Variants in VWA8 observed in about 807,000 individuals in gnomAD.
The protein encoded by VWA8 is von Willebrand factor A domain-containing protein 8.
Under a neutral mutation model 241.5 loss-of-function variants are expected in VWA8, and 221 were observed. That is an observed-to-expected ratio of 0.91 (90% CI 0.82 to 1.02). The LOEUF (loss-of-function observed/expected upper bound fraction) is 1.02. VWA8 is among the 50% of genes least tolerant of loss of function. The pLI, the probability that VWA8 is intolerant of heterozygous loss-of-function variation, is 0.00. For missense variants in VWA8, 2,322 were observed against 2,328.7 expected (o/e 1.00, Z 0.06); for synonymous variants, 852 against 827.1 (o/e 1.03, Z -0.52).
intron 34 of VWA8, 80 bp downstream of exon 34, chr13:41,689,274 C>G: frequency 7.2e-7 from 1 of 1,389,324 alleles, no homozygotes; most frequent in Non-Finnish European, 9.5e-7. Flanking sequence ...TTTTAATTAC[C>G]CCTCAAACAG....
At chr13:41,707,994 A>G (rs2045293023) in intron 26 of VWA8, among the ~76,000 whole-genome samples, 1 of 152,224 alleles carries the variant, frequency 6.6e-6, no homozygotes, top group African/African-American at 2.4e-5. Flanking sequence ...TAATTTTCAC[A>G]TTAAAGACCT....
chr13:41,721,331 G>A, intron 25 of VWA8, 39 bp downstream of exon 25: 1 of 1,601,516 alleles, frequency 6.2e-7, no homozygotes, highest in Non-Finnish European at 8.5e-7. Context: ...ATAAAAAAGA[G>A]AGTGATGGCT....
intron 17 of VWA8, among the ~76,000 whole-genome samples, chr13:41,796,969 T>C (rs1388670330): frequency 6.6e-6 from 1 of 152,184 alleles, no homozygotes; most frequent in African/African-American, 2.4e-5. Context: ...CTGTTGCTTC[T>C]TGGTTGGAGA....
At chr13:41,695,382 CTTTA>C (rs1238519248) in intron 29 of VWA8, among the ~76,000 whole-genome samples, 4 of 152,036 alleles carry the variant, frequency 2.6e-5, no homozygotes, top group African/African-American at 9.7e-5. Context: ...CTGAGCAAAG[CTTTA>C]TGTTAAAAAG....
At chr13:41,786,794 T>C (rs1215642036) in intron 18 of VWA8, among the ~76,000 whole-genome samples, 1 of 152,156 alleles carries the variant, frequency 6.6e-6, no homozygotes, top group Non-Finnish European at 1.5e-5. Flanking sequence ...CATTGGCTGC[T>C]TCAATAAAAT....
intron 40 of VWA8, among the ~76,000 whole-genome samples, chr13:41,602,388 A>G (rs2044527284): frequency 6.6e-6 from 1 of 152,142 alleles, no homozygotes; most frequent in Non-Finnish European, 1.5e-5. Context: ...CTAGCCATAC[A>G]GCCCAGGACA....
At chr13:41,690,889 C>G (rs2045172459) in intron 32 of VWA8, among the ~76,000 whole-genome samples, 1 of 152,032 alleles carries the variant, frequency 6.6e-6, no homozygotes, top group Non-Finnish European at 1.5e-5. Flanking sequence ...TAACCACATC[C>G]AAACCAGAAT....
chr13:41,921,282 G>A (rs1399720461), intron 2 of VWA8, among the ~76,000 whole-genome samples: 2 of 152,158 alleles, frequency 1.3e-5, no homozygotes, highest in African/African-American at 2.4e-5. Flanking sequence ...TTGATGGGAT[G>A]TATCTCAAAA....
chr13:41,589,326 A>G (rs1043888587), intron 41 of VWA8, among the ~76,000 whole-genome samples: 2 of 152,126 alleles, frequency 1.3e-5, no homozygotes, highest in Admixed American at 6.5e-5. Flanking sequence ...TTTCAGTTAT[A>G]TGATGGACAC....
chr13:41,805,687 G>T (rs879795763), intron 17 of VWA8, among the ~76,000 whole-genome samples: 1 of 152,010 alleles, frequency 6.6e-6, no homozygotes, highest in African/African-American at 2.4e-5. Flanking sequence ...GGTGGTGCAC[G>T]CCTGTAATCC....
At chr13:41,863,532 T>C (rs1873146385) in intron 12 of VWA8, among the ~76,000 whole-genome samples, 1 of 150,092 alleles carries the variant, frequency 6.7e-6, no homozygotes, top group Admixed American at 6.7e-5. Flanking sequence ...CCCTGACTAA[T>C]ACAAACACTA....
At chr13:41,729,026 AT>A (rs1195307848) in intron 23 of VWA8, among the ~76,000 whole-genome samples, 1 of 151,908 alleles carries the variant, frequency 6.6e-6, no homozygotes, top group African/African-American at 2.4e-5. Flanking sequence ...ATCTATCTTC[AT>A]TTTTTTCCTA....
intron 21 of VWA8, among the ~76,000 whole-genome samples, chr13:41,758,769 A>T (rs2045718369): frequency 6.6e-6 from 1 of 151,198 alleles, no homozygotes; most frequent in Non-Finnish European, 1.5e-5. Context: ...AAAAATGTTT[A>T]GTCTTTCATT....
At chr13:41,646,417 ACTT>A (rs1467595055) in intron 37 of VWA8, among the ~76,000 whole-genome samples, 1 of 152,148 alleles carries the variant, frequency 6.6e-6, no homozygotes, top group African/African-American at 2.4e-5. Context: ...TAAATATACT[ACTT>A]CTGATATTCA....
chr13:41,895,350 T>TA (rs557465614), intron 4 of VWA8, among the ~76,000 whole-genome samples: 101 of 152,150 alleles, frequency 6.6e-4, no homozygotes, highest in Middle Eastern at 3.4e-3. Flanking sequence ...GAGTAAGAAC[T>TA]AAAAAAAGTC....
At chr13:41,949,903 T>C in intron 2 of VWA8, 33 bp downstream of exon 2, 1 of 1,284,526 alleles carries the variant, frequency 7.8e-7, no homozygotes, top group Non-Finnish European at 1.1e-6. Context: ...AAGTTAAAAG[T>C]TATTCATTCA....
chr13:41,844,492 G>T (rs1244107526), intron 12 of VWA8, among the ~76,000 whole-genome samples: 1 of 152,084 alleles, frequency 6.6e-6, no homozygotes. Flanking sequence ...CCTAGCCAGA[G>T]CAATCAGGCA....
At chr13:41,826,743 G>A (rs1273197706) in intron 14 of VWA8, among the ~76,000 whole-genome samples, 1 of 152,090 alleles carries the variant, frequency 6.6e-6, no homozygotes, top group Non-Finnish European at 1.5e-5. Context: ...GTGTGGCGAT[G>A]CGCAACTGTA....
intron 15 of VWA8, among the ~76,000 whole-genome samples, chr13:41,817,892 T>C (rs1040301098): frequency 6.6e-6 from 1 of 152,194 alleles, no homozygotes; most frequent in African/African-American, 2.4e-5. Context: ...GAGCATTGTA[T>C]ATATGCTGTT....
Sources: gnomAD v4.1 joint callset for allele counts (sites outside exome capture counted in the v4.1 genomes callset) on GRCh38, gnomAD v4.1.1 for gene constraint, MANE v1.5 for transcripts, NCBI Gene and HGNC (gene_info 2026-07-23, HGNC 2026-07-21) for gene names.